NTAN1: variants seen among roughly 807,000 people sequenced by gnomAD.
NTAN1 encodes N-terminal asparagine amidase.
Under a neutral mutation model 41.9 loss-of-function variants are expected in NTAN1, and 32 were observed. That is an observed-to-expected ratio of 0.76 (90% CI 0.58 to 1.03). The LOEUF is 1.03. Among genes scored for constraint, NTAN1 ranks in the 50% least tolerant of loss-of-function variants. The pLI is 0.00. For missense variants in NTAN1, 377 were observed against 377.5 expected, an observed-to-expected ratio of 1.00 and a Z score of 0.01; for synonymous variants, 140 against 139.5, an observed-to-expected ratio of 1.00 and a Z score of -0.03.
chr16:15,046,263 T>C (rs2044057087), intron 4 of NTAN1, among the ~76,000 whole-genome samples: 1 of 152,228 alleles, frequency 6.6e-6, no homozygotes, highest in African/African-American at 2.4e-5. Flanking sequence ...AACTCTCTCT[T>C]TCCTTTTTAG....
chr16:15,055,879 C>A lies in NTAN1; in HGVS notation c.81+12G>T. 8.2e-7 allele frequency: 1 copy of A among 1,218,060 alleles called. No homozygotes were observed. Among genetic ancestry groups the A allele is most frequent in the Non-Finnish European group, 1.0e-6 (1 of 975,014 alleles). 75.5% of individuals were successfully genotyped at this position (1,218,060 alleles called of 1,614,324 possible). A position where few individuals can be genotyped will look rare whatever the true frequency, so the allele number is the denominator to read the frequency against. On this transcript the variant is annotated intron_variant, in intron 1 of 9. Transcript: ENST00000287706. Reference sequence around the variant, plus strand: ...GGGCCCGCCCCGAAGCCCCGCGCCGCGCCCCACTCACCTCCAAAGGCGGGT... The same window carrying A: ...GGGCCCGCCCCGAAGCCCCGCGCCGAGCCCCACTCACCTCCAAAGGCGGGT...
At chr16:15,038,913 G>A (rs899720092) in intron 8 of NTAN1, among the ~76,000 whole-genome samples, 1 of 152,204 alleles carries the variant, frequency 6.6e-6, no homozygotes. Context: ...CAGTCCCACA[G>A]GACGAGGGTG....
intron 1 of NTAN1, among the ~76,000 whole-genome samples, chr16:15,049,454 A>T (rs2044213202): frequency 6.6e-6 from 1 of 151,034 alleles, no homozygotes; most frequent in South Asian, 2.1e-4. Flanking sequence ...TTTGAGACAG[A>T]GTCTCGCTCT....
At chr16:15,055,825 G>C in intron 1 of NTAN1, 66 bp downstream of exon 1, 1 of 874,750 alleles carries the variant, frequency 1.1e-6, no homozygotes, top group Non-Finnish European at 1.5e-6. Flanking sequence ...GCGTGAGGGG[G>C]GCGCTAGCCC....
intron 4 of NTAN1, 198 bp from the exon 5 acceptor site, chr16:15,044,605 G>A (rs1473416634): frequency 6.7e-6 from 4 of 594,586 alleles, no homozygotes; most frequent in East Asian, 2.8e-5. Context: ...ACCCTGCCCA[G>A]GGGCCCTGAT....
intron 1 of NTAN1, among the ~76,000 whole-genome samples, chr16:15,049,339 T>C (rs1002231526): frequency 6.6e-6 from 1 of 152,184 alleles, no homozygotes; most frequent in Non-Finnish European, 1.5e-5. Flanking sequence ...TCCGCTTTTT[T>C]ACCTTAGTCC....
At position 15,040,050 on chromosome 16, in the gene NTAN1, A is replaced by G; in HGVS notation, c.558T>C (p.Thr186=). Residue 186 remains threonine, a synonymous_variant, in exon 8 of 10, where the codon ACT becomes ACC. Transcript: ENST00000287706. The stretch of plus-strand genomic sequence containing the variant: ...GAAAGGATGCTCTGTAAATCTCTGC[A>G]GTCTTAATGTTGACAGCTGTGAGGG... ...VIYGIAVNIK[T]AEIYRASFQD... The G allele has an allele frequency of 6.2e-7, 1 of 1,605,836 alleles. No individual in the cohort carries two copies. The highest frequency in any genetic ancestry group is 8.5e-7 in the Non-Finnish European group (1 of 1,172,812).
chr16:15,050,535 C>G (rs760900446), intron 1 of NTAN1, among the ~76,000 whole-genome samples: 7 of 152,116 alleles, frequency 4.6e-5, no homozygotes, highest in African/African-American at 9.7e-5. Flanking sequence ...GAGTTCAAAA[C>G]CAGCCTGGGC....
At chr16:15,049,915 G>A (rs2044231666) in intron 1 of NTAN1, among the ~76,000 whole-genome samples, 1 of 152,180 alleles carries the variant, frequency 6.6e-6, no homozygotes, top group Non-Finnish European at 1.5e-5. Context: ...AGCTATAAAT[G>A]TGCCATAATA....
In NTAN1 at chr16:15,047,312, C is replaced by G; in HGVS notation, c.359+130G>C. On this transcript the variant is annotated intron_variant, in intron 4 of 9. Coordinates refer to ENST00000287706, the MANE Select transcript of NTAN1 (RefSeq NM_173474.4). ...CGCAGTGCCCACGTCGTGCCAGGTTCTGTTCCAGGGGAACGAGGCAGACAC... is the reference window on the plus strand; with the variant it reads ...CGCAGTGCCCACGTCGTGCCAGGTTGTGTTCCAGGGGAACGAGGCAGACAC... 8.8e-6 allele frequency: 6 copies of G among 683,306 alleles called. No individual in the cohort carries two copies. In the South Asian group the frequency reaches 1.0e-4, roughly 12 times the overall value. The allele number at this position is 683,306 out of a possible 1,614,324, so 42.3% of individuals were successfully genotyped here.
intron 1 of NTAN1, among the ~76,000 whole-genome samples, chr16:15,054,432 G>A (rs1467629010): frequency 1.3e-5 from 2 of 152,184 alleles, no homozygotes; most frequent in Non-Finnish European, 2.9e-5. Context: ...TTTTCAAACA[G>A]ACATAAAAGT....
chr16:15,051,377 C>T (rs1280573114), intron 1 of NTAN1, among the ~76,000 whole-genome samples: 2 of 152,184 alleles, frequency 1.3e-5, no homozygotes, highest in Non-Finnish European at 2.9e-5. Context: ...TTTTTTTAAA[C>T]AGGGTCTTAC....
intron 5 of NTAN1, among the ~76,000 whole-genome samples, 182 bp downstream of exon 5, chr16:15,044,152 A>G (rs568452967): frequency 1.2e-3 from 189 of 152,204 alleles, no homozygotes; most frequent in African/African-American, 4.3e-3. Context: ...ACCCCTCCCT[A>G]CACATGAGCT....
At chr16:15,048,375 GT>G (rs1208816869) in intron 1 of NTAN1, among the ~76,000 whole-genome samples, 2 of 152,102 alleles carry the variant, frequency 1.3e-5, no homozygotes, top group Admixed American at 6.5e-5. Flanking sequence ...CTTTATTATA[GT>G]TTTTTGTTTG....
At position 15,047,888 on chromosome 16, in the gene NTAN1, T is replaced by G; in HGVS notation, c.217A>C (p.Thr73Pro). ...SISILGSDDA[T>P]TCHIVVLRHT... is the part of the protein sequence containing the mutation. ...CTCAGGACCACAATGTGACAAGTAG[T>G]GGCATCATCAGAACCCAGAATGGAG... The change falls in exon 3 of 10, where the codon ACT becomes CCT. Residue 73 changes from threonine to proline, a missense_variant. Thr to Pro is a conservative substitution (Grantham distance 38, BLOSUM62 -1). Coordinates refer to ENST00000287706, the MANE Select transcript of NTAN1 (RefSeq NM_173474.4). The G allele has an allele frequency of 1.2e-6, 2 of 1,613,750 alleles. No individual in the cohort carries two copies. Among genetic ancestry groups the G allele is most frequent in the Non-Finnish European group, 1.7e-6 (2 of 1,179,628 alleles).
At chr16:15,043,256 G>T (rs1282885989) in intron 5 of NTAN1, among the ~76,000 whole-genome samples, 5 of 151,994 alleles carry the variant, frequency 3.3e-5, no homozygotes, top group African/African-American at 1.2e-4. Context: ...GGCTGGTGTC[G>T]AACTCCTGAC....
intron 4 of NTAN1, among the ~76,000 whole-genome samples, chr16:15,046,876 A>T (rs936163172): frequency 6.6e-6 from 1 of 152,054 alleles, no homozygotes; most frequent in Admixed American, 6.6e-5. Flanking sequence ...CCCTATCTCA[A>T]CAACAAAAAG....
At chr16:15,055,816 C>T (rs1216321288) in intron 1 of NTAN1, 75 bp downstream of exon 1, 9 of 792,670 alleles carry the variant, frequency 1.1e-5, no homozygotes, top group Non-Finnish European at 1.4e-5. Flanking sequence ...GTCTGTGTCG[C>T]GTGAGGGGGG....
intron 4 of NTAN1, chr16:15,045,554 T>C (rs2151707516): frequency 6.6e-6 from 1 of 152,024 alleles, no homozygotes; most frequent in South Asian, 2.1e-4. Flanking sequence ...GAAGGAATGC[T>C]TCAGCCCAGA....
Sources: gnomAD v4.1 joint callset for allele counts (sites outside exome capture counted in the v4.1 genomes callset) on GRCh38, gnomAD v4.1.1 for gene constraint, MANE v1.5 for transcripts, NCBI Gene and HGNC (gene_info 2026-07-23, HGNC 2026-07-21) for gene names.